Variants in PTPRT observed in about 807,000 individuals in gnomAD.
PTPRT encodes receptor-type tyrosine-protein phosphatase T.
Under a neutral mutation model 176.8 loss-of-function variants are expected in PTPRT, and 56 were observed. That is an observed-to-expected ratio of 0.32 (90% CI 0.26 to 0.40). The LOEUF (loss-of-function observed/expected upper bound fraction) is 0.40, where lower values mean the gene tolerates loss of function less well. Ranked by LOEUF, PTPRT falls within the 10% of genes least tolerant of loss-of-function variation. PTPRT has a pLI of 1.00. For missense variants in PTPRT, 1,540 were observed against 1,908.2 expected (o/e 0.81, Z 3.60); for synonymous variants, 783 against 739.0 (o/e 1.06, Z -0.96).
intron 1 of PTPRT, among the ~76,000 whole-genome samples, chr20:43,141,238 C>T (rs1284557831): frequency 6.6e-6 from 1 of 152,202 alleles, no homozygotes; most frequent in Non-Finnish European, 1.5e-5. Flanking sequence ...CTTCAAATCG[C>T]CACCACTTAT....
At chr20:42,401,331 A>G (rs961851431) in intron 9 of PTPRT, among the ~76,000 whole-genome samples, 1 of 152,034 alleles carries the variant, frequency 6.6e-6, no homozygotes, top group Non-Finnish European at 1.5e-5. Context: ...CTGCCAACTC[A>G]AGACAATGTT....
intron 12 of PTPRT, among the ~76,000 whole-genome samples, chr20:42,307,969 A>G (rs2057569054): frequency 6.6e-6 from 1 of 152,208 alleles, no homozygotes; most frequent in African/African-American, 2.4e-5. Context: ...TATGCGAATT[A>G]TAATGCATCA....
intron 13 of PTPRT, among the ~76,000 whole-genome samples, chr20:42,267,648 G>A (rs1486767758): frequency 6.6e-6 from 1 of 152,130 alleles, no homozygotes; most frequent in East Asian, 1.9e-4. Context: ...GGCATCCAGT[G>A]GGGAGAGGCA....
At chr20:42,922,348 G>C (rs923042712) in intron 1 of PTPRT, among the ~76,000 whole-genome samples, 1 of 152,104 alleles carries the variant, frequency 6.6e-6, no homozygotes, top group African/African-American at 2.4e-5. Flanking sequence ...TCCCAACCCT[G>C]TGCATCTCAT....
rs148158831 is a variant in PTPRT at position 42,900,401 on chromosome 20, T to C, written c.89-14469A>G. On this transcript the variant is annotated intron_variant, in intron 1 of 30. Transcript: ENST00000373187. ...AGCAGGCAGAGACTCCTAGCAAACA[T>C]GGATGCCTGGCTTGTCCCCGGTATG... Among the ~76,000 whole-genome samples the C allele has an allele frequency of 1.8e-3, 267 of 152,308 alleles. 1 individual carries two copies. The highest frequency in any genetic ancestry group is 6.3e-3 in the African/African-American group (261 of 41,562).
chr20:42,055,673 G>A, the PTPRT span, among the ~76,000 whole-genome samples: 1 of 152,128 alleles, frequency 6.6e-6, no homozygotes, highest in Admixed American at 6.5e-5. Flanking sequence ...ATGGTGCCAG[G>A]ACTTAGACAA....
At chr20:43,049,882 T>C (rs1346710972) in intron 1 of PTPRT, among the ~76,000 whole-genome samples, 5 of 152,208 alleles carry the variant, frequency 3.3e-5, no homozygotes, top group Admixed American at 3.3e-4. Flanking sequence ...CTATAGAAAT[T>C]AGACTAATTA....
chr20:42,711,830 T>TC (rs2076148970), intron 6 of PTPRT, among the ~76,000 whole-genome samples: 1 of 151,084 alleles, frequency 6.6e-6, no homozygotes, highest in Non-Finnish European at 1.5e-5. Flanking sequence ...TAAGCTACTC[T>TC]CCCCCTCTAA....
intron 2 of PTPRT, among the ~76,000 whole-genome samples, chr20:42,858,710 C>T (rs1193688690): frequency 6.6e-6 from 1 of 152,160 alleles, no homozygotes; most frequent in Non-Finnish European, 1.5e-5. Flanking sequence ...ATTTCTGTTG[C>T]TAAGAATTAG....
At chr20:42,191,584 TGCAGTGACTGTTTAGCCTGA>T (rs1348221301) in intron 16 of PTPRT, among the ~76,000 whole-genome samples, 8 of 152,184 alleles carry the variant, frequency 5.3e-5, no homozygotes, top group Admixed American at 1.3e-4. Context: ...TGATGGCTGA[TGCAGTGACTGTTTAGCCTGA>T]GGGAAGGACC....
At chr20:42,766,883 A>G (rs1442621902) in intron 5 of PTPRT, among the ~76,000 whole-genome samples, 3 of 152,240 alleles carry the variant, frequency 2.0e-5, no homozygotes, top group Admixed American at 1.3e-4. Context: ...TAGCACTGCT[A>G]CACAGTAGAC....
intron 9 of PTPRT, among the ~76,000 whole-genome samples, chr20:42,364,948 C>T (rs946487688): frequency 2.6e-5 from 4 of 152,180 alleles, no homozygotes; most frequent in Non-Finnish European, 4.4e-5. Flanking sequence ...CTGATGCTTC[C>T]TCTTAGCAGA....
At chr20:42,160,184 C>G (rs1199633449) in intron 17 of PTPRT, among the ~76,000 whole-genome samples, 1 of 151,694 alleles carries the variant, frequency 6.6e-6, no homozygotes, top group Non-Finnish European at 1.5e-5. Flanking sequence ...ACATATAACT[C>G]AGACCATGGT....
At chr20:42,519,496 A>G (rs1255174425) in intron 7 of PTPRT, among the ~76,000 whole-genome samples, 3 of 152,150 alleles carry the variant, frequency 2.0e-5, no homozygotes, top group Non-Finnish European at 4.4e-5. Context: ...GTAGGCAAGT[A>G]GATTTTAATT....
intron 1 of PTPRT, among the ~76,000 whole-genome samples, chr20:43,056,103 A>G (rs2146242147): frequency 6.6e-6 from 1 of 152,356 alleles, no homozygotes; most frequent in East Asian, 1.9e-4. Context: ...AGAAGAGTCA[A>G]ATCCAAAACC....
intron 1 of PTPRT, among the ~76,000 whole-genome samples, chr20:42,914,460 A>T (rs1215770024): frequency 3.9e-5 from 6 of 152,170 alleles, no homozygotes; most frequent in African/African-American, 1.4e-4. Context: ...CAATTCAAAA[A>T]CCAACCACAT....
chr20:42,728,478 C>T (rs943222875), intron 6 of PTPRT, among the ~76,000 whole-genome samples: 18 of 152,178 alleles, frequency 1.2e-4, no homozygotes, highest in African/African-American at 4.1e-4. Flanking sequence ...GATTTTGAAA[C>T]CCAGTCTCTG....
chr20:42,772,805 G>A (rs1344896577), intron 4 of PTPRT, among the ~76,000 whole-genome samples: 3 of 152,174 alleles, frequency 2.0e-5, no homozygotes, highest in Middle Eastern at 3.2e-3. Flanking sequence ...TAACAATAAT[G>A]TCATTTACTG....
intron 7 of PTPRT, among the ~76,000 whole-genome samples, chr20:42,645,805 G>A (rs1170944359): frequency 1.6e-5 from 2 of 128,324 alleles, no homozygotes; most frequent in Non-Finnish European, 3.2e-5. Context: ...TGTGTGTGTA[G>A]GGAGGGGTGA....
Sources: allele counts gnomAD v4.1 joint callset (sites outside exome capture counted in the v4.1 genomes callset), GRCh38; gene constraint gnomAD v4.1.1; transcripts MANE v1.5; gene names NCBI Gene and HGNC (gene_info 2026-07-23, HGNC 2026-07-21).